The following RFX3 variants were observed in gnomAD, a reference collection of about 807,000 sequenced individuals.
The protein encoded by RFX3 is transcription factor RFX3.
A neutral mutation model predicts 98.6 loss-of-function variants in RFX3; 14 were observed. The observed-to-expected ratio is 0.14, with a 90% CI of 0.09 to 0.22. The LOEUF is 0.22. RFX3 is among the 10% of genes least tolerant of loss of function. The pLI, the probability that RFX3 is intolerant of heterozygous loss-of-function variation, is 1.00. For synonymous variants in RFX3, 383 were observed against 328.4 expected, an observed-to-expected ratio of 1.17 and a Z score of -1.80; for missense variants, 639 against 926.9, an observed-to-expected ratio of 0.69 and a Z score of 4.03.
At position 3,346,724 on chromosome 9, in the gene RFX3, T is replaced by A; in HGVS notation, c.158A>T (p.Tyr53Phe). The A allele has an allele frequency of 6.2e-7, 1 of 1,613,860 alleles. No homozygotes were observed. The highest frequency in any genetic ancestry group is 8.5e-7 in the Non-Finnish European group (1 of 1,179,786). ...VQTVQQVQHV[Y>F]PAQVQYVEGS... Reference sequence around the variant, plus strand: ...TTCCACATACTGCACCTGAGCGGGATAGACATGTTGTACCTGCTGCACAGT... The same window carrying A: ...TTCCACATACTGCACCTGAGCGGGAAAGACATGTTGTACCTGCTGCACAGT... The change falls in exon 3 of 17, where the codon TAT becomes TTT. Residue 53 changes from tyrosine (Y) to phenylalanine (F), a missense_variant. By Grantham distance (22) the Tyr-to-Phe change is conservative (BLOSUM62 3). This residue lies in a region of RFX3 where 210 missense variants were observed against 197.7 expected (regional missense o/e 1.06). Coordinates refer to ENST00000617270, the MANE Select transcript of RFX3 (RefSeq NM_001282116.2).
intron 3 of RFX3, among the ~76,000 whole-genome samples, chr9:3,340,167 T>C (rs958197096): frequency 2.6e-5 from 4 of 152,196 alleles, no homozygotes; most frequent in Non-Finnish European, 5.9e-5. Context: ...ATTCCCTATT[T>C]AATAAATGGT....
chr9:3,316,632 G>T (rs1051909369), intron 4 of RFX3, among the ~76,000 whole-genome samples: 1 of 152,172 alleles, frequency 6.6e-6, no homozygotes, highest in African/African-American at 2.4e-5. Context: ...AAACCCCATT[G>T]TCTCAGCCCA....
chr9:3,327,157 C>G (rs907895426), intron 4 of RFX3, among the ~76,000 whole-genome samples: 6 of 151,736 alleles, frequency 4.0e-5, no homozygotes, highest in Middle Eastern at 6.8e-3. Context: ...GAAAAATATA[C>G]ATAAACTCAA....
chr9:3,430,373 T>C (rs1844540763), intron 1 of RFX3, among the ~76,000 whole-genome samples: 2 of 152,198 alleles, frequency 1.3e-5, no homozygotes, highest in African/African-American at 4.8e-5. Context: ...ACTACTGTTG[T>C]ACTCACTGGC....
At chr9:3,360,431 T>C (rs1054339223) in intron 2 of RFX3, among the ~76,000 whole-genome samples, 1 of 152,082 alleles carries the variant, frequency 6.6e-6, no homozygotes, top group Non-Finnish European at 1.5e-5. Flanking sequence ...TTTTAAATGG[T>C]TACCTAGTAC....
chr9:3,504,186 TTA>T (rs1179308440), intron 1 of RFX3, among the ~76,000 whole-genome samples: 2 of 96,430 alleles, frequency 2.1e-5, no homozygotes, highest in Non-Finnish European at 3.5e-5. Context: ...ATTATACATA[TTA>T]TATATTATAT....
intron 1 of RFX3, among the ~76,000 whole-genome samples, chr9:3,521,413 C>T (rs1336540525): frequency 1.3e-5 from 2 of 152,042 alleles, no homozygotes; most frequent in Non-Finnish European, 2.9e-5. Context: ...TTATATGCTT[C>T]AATGCATATA....
At chr9:3,366,777 A>G (rs1837255995) in intron 2 of RFX3, among the ~76,000 whole-genome samples, 1 of 94,308 alleles carries the variant, frequency 1.1e-5, no homozygotes, top group African/African-American at 4.2e-5. Context: ...TGTACATTCA[A>G]AAGTCATCTG....
chr9:3,415,449 A>T (rs930172049), intron 1 of RFX3, among the ~76,000 whole-genome samples: 1 of 152,078 alleles, frequency 6.6e-6, no homozygotes, highest in East Asian at 1.9e-4. Flanking sequence ...ATAGTTCCAG[A>T]TCTATTTAAG....
chr9:3,417,268 C>A (rs527895166), intron 1 of RFX3, among the ~76,000 whole-genome samples: 2 of 151,992 alleles, frequency 1.3e-5, no homozygotes, highest in South Asian at 4.1e-4. Context: ...ATTTTATACC[C>A]CTTTTAATGA....
intron 4 of RFX3, among the ~76,000 whole-genome samples, chr9:3,311,569 A>C (rs1800989156): frequency 6.6e-6 from 1 of 152,178 alleles, no homozygotes; most frequent in Non-Finnish European, 1.5e-5. Context: ...GCAGTATCAA[A>C]ATCATTTGGG....
chr9:3,252,701 G>C (rs1202638689), intron 14 of RFX3, among the ~76,000 whole-genome samples: 3 of 152,026 alleles, frequency 2.0e-5, no homozygotes, highest in African/African-American at 7.3e-5. Flanking sequence ...TAAGGCCTTT[G>C]GATTTCATTC....
intron 1 of RFX3, among the ~76,000 whole-genome samples, chr9:3,487,711 T>C (rs1405500902): frequency 6.6e-6 from 1 of 152,114 alleles, no homozygotes; most frequent in Non-Finnish European, 1.5e-5. Context: ...AGAGTCCTAA[T>C]TTAAGAAAAG....
intron 1 of RFX3, among the ~76,000 whole-genome samples, chr9:3,440,637 T>C (rs1018595632): frequency 6.6e-6 from 1 of 152,196 alleles, no homozygotes; most frequent in East Asian, 1.9e-4. Flanking sequence ...TGACCCAATA[T>C]TGTTAACATG....
intron 4 of RFX3, among the ~76,000 whole-genome samples, chr9:3,306,472 T>C (rs1030117494): frequency 2.0e-5 from 3 of 151,760 alleles, no homozygotes; most frequent in Non-Finnish European, 4.4e-5. Context: ...AATAATTGAA[T>C]ATTACTGGAA....
chr9:3,390,370 G>A (rs1840178315), intron 2 of RFX3, among the ~76,000 whole-genome samples: 1 of 152,174 alleles, frequency 6.6e-6, no homozygotes, highest in Non-Finnish European at 1.5e-5. Context: ...GAACTCAGAA[G>A]AAGTCAGAAA....
chr9:3,397,108 TTC>T, intron 1 of RFX3, among the ~76,000 whole-genome samples: 2 of 152,370 alleles, frequency 1.3e-5, no homozygotes, highest in Non-Finnish European at 2.9e-5. Context: ...GACATGTACT[TTC>T]TCTCATTCAC....
Position 3,291,996 on chromosome 9 carries a change from G to C in RFX3, c.731+1081C>G, listed in dbSNP as rs532822056. ...CATTTGAACCTGCGAGGCAGAGGTT[G>C]CAGTGAGCTGAGATCGTGCCACTGC... On this transcript the variant is annotated intron_variant, in intron 6 of 16. Coordinates refer to ENST00000617270, the MANE Select transcript of RFX3 (RefSeq NM_001282116.2). Among the ~76,000 whole-genome samples, 7 of 136,304 alleles carry C rather than the reference G, an allele frequency of 5.1e-5. No homozygotes were observed. The South Asian group carries it at 1.7e-3, about 34-fold the overall frequency. The allele number at this position is 136,304 out of a possible 152,430, so 89.4% of individuals were successfully genotyped here.
intron 1 of RFX3, among the ~76,000 whole-genome samples, chr9:3,499,963 C>T (rs776547842): frequency 6.6e-6 from 1 of 152,112 alleles, no homozygotes; most frequent in Non-Finnish European, 1.5e-5. Flanking sequence ...GTCAACTGCA[C>T]TACCTTATTC....
Sources: allele counts gnomAD v4.1 joint callset (sites outside exome capture counted in the v4.1 genomes callset), GRCh38; gene constraint gnomAD v4.1.1; regional missense constraint gnomAD v4.1.1; transcripts MANE v1.5; gene names NCBI Gene and HGNC (gene_info 2026-07-23, HGNC 2026-07-21).